EPB42: variants seen among roughly 807,000 people sequenced by gnomAD.
The protein encoded by EPB42 is protein 4.2.
A neutral mutation model predicts 76.9 loss-of-function variants in EPB42; 49 were observed. The ratio of observed to expected loss-of-function variants is 0.64; its 90% CI spans 0.51 to 0.81. The LOEUF is 0.81. Among genes scored for constraint, EPB42 ranks in the 30% least tolerant of loss-of-function variants. The pLI is 0.00. For synonymous variants in EPB42, 310 were observed against 338.4 expected, an observed-to-expected ratio of 0.92 and a Z score of 0.92; for missense variants, 731 against 867.6, an observed-to-expected ratio of 0.84 and a Z score of 1.98.
At position 43,206,971 on chromosome 15, in the gene EPB42, C is replaced by T. The variant is rs545717666; in HGVS notation, c.1318+228G>A. On this transcript the variant is annotated intron_variant, in intron 9 of 12. Transcript: ENST00000441366. This position sits in a 1 kb window ranked among gnomAD's most constrained non-coding sequence, Gnocchi z 4.7. ...ATTTTCCTATGTGAAAGAATTTAGA[C>T]TTCCTCTGAGGGTCAGGAATGCTGC... 3.3e-5 allele frequency among the ~76,000 whole-genome samples: 5 copies of T among 152,328 alleles called. No homozygotes were observed. The highest frequency in any genetic ancestry group is 1.2e-4 in the African/African-American group (5 of 41,566).
intron 8 of EPB42, among the ~76,000 whole-genome samples, chr15:43,208,029 G>A (rs1219615115): frequency 6.6e-6 from 1 of 152,178 alleles, no homozygotes; most frequent in Non-Finnish European, 1.5e-5. Context: ...CTACAGCCTT[G>A]TAGCCGGGAT....
intron 6 of EPB42, 134 bp downstream of exon 6, chr15:43,209,140 C>A: frequency 9.3e-7 from 1 of 1,078,650 alleles, no homozygotes; most frequent in Non-Finnish European, 1.4e-6. Flanking sequence ...CCTGGGACAA[C>A]TACTTCTGTG....
Position 43,216,404 on chromosome 15 carries a change from C to T in EPB42, c.60G>A (p.Glu20=), listed in dbSNP as rs1282015881. 6.2e-7 allele frequency: 1 copy of T among 1,614,186 alleles called. No homozygotes were observed. Among genetic ancestry groups the T allele is most frequent in the Non-Finnish European group, 8.5e-7 (1 of 1,180,032 alleles). ...GGGAGCTGAGGGCCTTGGTGTGGTG[C>T]TCCTCATTGTTTCTTGCTGCCTGAA... is the stretch of plus-strand genomic sequence containing the variant. ...CDFQAARNNE[E]HHTKALSSRR... Residue 20 remains glutamate, a synonymous_variant, in exon 2 of 13, where the codon GAG becomes GAA. Coordinates refer to ENST00000441366, the MANE Select transcript of EPB42 (RefSeq NM_001114134.2).
chr15:43,197,332 G>T lies in EPB42; in HGVS notation c.2046C>A (p.Val682=), dbSNP rs1169150443. The change falls in exon 13 of 13, where the codon GTC becomes GTA. Residue 682 remains valine, a synonymous_variant. Transcript: ENST00000441366. ...CTGATAGTTCAGGGGCTACCACGGT[G>T]ACGCTTTTATAGTTGGTTAGGTTCT... ...MFQNLTNYKS[V]TVVAPELSA 2 of 1,614,088 alleles carry T rather than the reference G, an allele frequency of 1.2e-6. No homozygotes were observed. The highest frequency in any genetic ancestry group is 8.5e-7 in the Non-Finnish European group (1 of 1,180,048).
At chr15:43,198,667 G>A (rs1267724068) in intron 12 of EPB42, among the ~76,000 whole-genome samples, 1 of 152,222 alleles carries the variant, frequency 6.6e-6, no homozygotes, top group Non-Finnish European at 1.5e-5. Flanking sequence ...TAAGTAACAA[G>A]GAGCCTAATG....
upstream of EPB42, among the ~76,000 whole-genome samples, chr15:43,225,565 G>T (rs1386967235): frequency 6.6e-6 from 1 of 152,188 alleles, no homozygotes; most frequent in Non-Finnish European, 1.5e-5. Context: ...GGAACTGTTA[G>T]GAACCGCGTT....
chr15:43,199,835 T>C (rs931846293), intron 12 of EPB42, among the ~76,000 whole-genome samples: 1 of 152,170 alleles, frequency 6.6e-6, no homozygotes, highest in African/African-American at 2.4e-5. Context: ...TGAGATCTGA[T>C]AGGTTTCTCA....
chr15:43,215,523 C>G lies in EPB42; in HGVS notation c.197-195G>C, dbSNP rs191582421. 3.3e-5 allele frequency among the ~76,000 whole-genome samples: 5 copies of G among 152,276 alleles called. No homozygotes were observed. In the East Asian group the frequency reaches 9.6e-4, roughly 29 times the overall value. On this transcript the variant is annotated intron_variant, in intron 2 of 12. Coordinates refer to ENST00000441366, the MANE Select transcript of EPB42 (RefSeq NM_001114134.2). ...GCTTTTGGCACCCATGGACCTTCAT[C>G]ACAGTCTATAAAATGGGCATTGTAA... is the stretch of plus-strand genomic sequence containing the variant.
chr15:43,216,840 A>G (rs921973344), intron 1 of EPB42, among the ~76,000 whole-genome samples: 1 of 152,044 alleles, frequency 6.6e-6, no homozygotes, highest in Non-Finnish European at 1.5e-5. Context: ...GCACCTACTC[A>G]TTTTTTCTTA....
At chr15:43,209,017 G>A (rs568526329) in intron 6 of EPB42, among the ~76,000 whole-genome samples, 2 of 152,320 alleles carry the variant, frequency 1.3e-5, no homozygotes, top group African/African-American at 2.4e-5. Flanking sequence ...ACAGCGCTGC[G>A]GGGCTGCTCT....
At position 43,203,816 on chromosome 15, in the gene EPB42, T is replaced by C. The variant is rs1194141558; in HGVS notation, c.1619-541A>G. ...TCTCTGTGTCTCATCTCCTCATCTG[T>C]AAAGTGGGGATAGCAATGGTTCTTG... On this transcript the variant is annotated intron_variant, in intron 10 of 12. Transcript: ENST00000441366. 4.6e-5 allele frequency among the ~76,000 whole-genome samples: 7 copies of C among 152,270 alleles called. No homozygotes were observed. The South Asian group carries it at 1.5e-3, about 32-fold the overall frequency.
upstream of EPB42, among the ~76,000 whole-genome samples, chr15:43,222,995 A>C (rs2042475734): frequency 6.6e-6 from 1 of 152,250 alleles, no homozygotes; most frequent in African/African-American, 2.4e-5. Flanking sequence ...ATTCCTTAAA[A>C]ATTTTTAAAT....
chr15:43,206,846 G>A lies in EPB42; in HGVS notation c.1319-217C>T, dbSNP rs1211565997. ...CTCTTCCAAACCACTCAAGGACCAA[G>A]TTCTTTTTCAAGTGCTATGAATTCT... On this transcript the variant is annotated intron_variant, in intron 9 of 12. Coordinates refer to ENST00000441366, the MANE Select transcript of EPB42 (RefSeq NM_001114134.2). The surrounding 1 kb of genome is among the most constrained non-coding windows in gnomAD (Gnocchi z 4.7). 6.6e-6 allele frequency among the ~76,000 whole-genome samples: 1 copy of A among 152,090 alleles called. No individual in the cohort carries two copies. Among genetic ancestry groups the A allele is most frequent in the Non-Finnish European group, 1.5e-5 (1 of 68,022 alleles).
upstream of EPB42, among the ~76,000 whole-genome samples, chr15:43,223,817 T>TA (rs1460217787): frequency 6.6e-6 from 1 of 152,052 alleles, no homozygotes; most frequent in Non-Finnish European, 1.5e-5. Flanking sequence ...CTACTAAAAA[T>TA]ACAATAATTA....
rs1325384611 is a variant in EPB42, at chr15:43,207,278, A to G, written c.1239T>C (p.Tyr413=). The change falls in exon 9 of 13, where the codon TAT becomes TAC. Residue 413 remains tyrosine (Y), a synonymous_variant. Transcript: ENST00000441366. The stretch of plus-strand genomic sequence containing the variant: ...CCTTGGTGCTGATGTTGTTGCCAAC[A>G]TACTTTGTGTTGGAGTCAGTCAACT... ...TLELTDSNTK[Y]VGNNISTKGV... is the part of the protein sequence containing the mutation. 7 of 1,614,046 alleles carry G rather than the reference A, an allele frequency of 4.3e-6. No homozygotes were observed. In the Admixed American group the frequency reaches 8.3e-5, roughly 19 times the overall value.
intron 5 of EPB42, among the ~76,000 whole-genome samples, chr15:43,209,767 G>A (rs2042265094): frequency 6.6e-6 from 1 of 152,194 alleles, no homozygotes; most frequent in South Asian, 2.1e-4. Context: ...CTCGTTTGAG[G>A]TGCTTTGCAC....
At chr15:43,204,659 T>C (rs2042173735) in intron 10 of EPB42, among the ~76,000 whole-genome samples, 1 of 152,138 alleles carries the variant, frequency 6.6e-6, no homozygotes, top group South Asian at 2.1e-4. Flanking sequence ...CATTCACACA[T>C]TCACAAGCCC....
chr15:43,218,560 G>A (rs2042412230), intron 1 of EPB42, among the ~76,000 whole-genome samples: 1 of 152,262 alleles, frequency 6.6e-6, no homozygotes, highest in East Asian at 1.9e-4. Context: ...CCTTTTCACT[G>A]TGAGCTCCCC....
In EPB42 at chr15:43,206,908, T is replaced by A. The variant is rs759555533; in HGVS notation, c.1319-279A>T. 6.6e-6 allele frequency among the ~76,000 whole-genome samples: 1 copy of A among 152,096 alleles called. No individual in the cohort carries two copies. Among genetic ancestry groups the A allele is most frequent in the African/African-American group, 2.4e-5 (1 of 41,408 alleles). Reference sequence around the variant, plus strand: ...ATGAGAGAGCAAGGTTGGGGACAAGTCAACACTGTCTCTGAGGACAGTTTT... The same window carrying A: ...ATGAGAGAGCAAGGTTGGGGACAAGACAACACTGTCTCTGAGGACAGTTTT... On this transcript the variant is annotated intron_variant, in intron 9 of 12. Transcript: ENST00000441366. The surrounding 1 kb of genome is among the most constrained non-coding windows in gnomAD (Gnocchi z 4.7).
Sources: gnomAD v4.1 joint callset for allele counts (sites outside exome capture counted in the v4.1 genomes callset) on GRCh38, gnomAD v4.1.1 for gene constraint, Gnocchi (gnomAD v3.1) non-coding constraint, MANE v1.5 for transcripts, NCBI Gene and HGNC (gene_info 2026-07-23, HGNC 2026-07-21) for gene names.